Variants in TCF12 observed in about 807,000 individuals in gnomAD.
The protein encoded by TCF12 is DNA-binding protein HTF4.
A neutral mutation model predicts 86.0 loss-of-function variants in TCF12; 45 were observed. The observed-to-expected ratio is 0.52, with a 90% confidence interval of 0.41 to 0.67. The LOEUF is 0.67. Among genes scored for constraint, TCF12 ranks in the 30% least tolerant of loss-of-function variants. TCF12 has a pLI of 0.00. For synonymous variants in TCF12, 330 were observed against 299.6 expected (o/e 1.10, Z -1.05); for missense variants, 881 against 859.9 (o/e 1.02, Z -0.31).
chr15:57,025,947 A>G (rs2065801010), intron 3 of TCF12, among the ~76,000 whole-genome samples: 1 of 152,218 alleles, frequency 6.6e-6, no homozygotes, highest in African/African-American at 2.4e-5. Context: ...GATTTGAGCT[A>G]CTGAAAATGT....
intron 3 of TCF12, among the ~76,000 whole-genome samples, chr15:56,940,766 C>T (rs1488996780): frequency 1.5e-5 from 2 of 137,078 alleles, no homozygotes; most frequent in Non-Finnish European, 3.1e-5. Flanking sequence ...TCTCCTTCTC[C>T]TTCTTCTGAG....
chr15:56,951,452 T>C (rs2061272043), intron 3 of TCF12, among the ~76,000 whole-genome samples: 1 of 152,326 alleles, frequency 6.6e-6, no homozygotes, highest in Admixed American at 6.5e-5. Flanking sequence ...ACAAGTCCTT[T>C]ACGAGATACA....
chr15:57,094,471 A>G (rs1730245783), intron 5 of TCF12, among the ~76,000 whole-genome samples: 1 of 152,226 alleles, frequency 6.6e-6, no homozygotes, highest in Non-Finnish European at 1.5e-5. Context: ...AGGCAATTCA[A>G]CTTGATATGA....
intron 5 of TCF12, among the ~76,000 whole-genome samples, chr15:57,096,998 T>G (rs2151146519): frequency 6.6e-6 from 1 of 152,312 alleles, no homozygotes; most frequent in East Asian, 1.9e-4. Context: ...AAAGCTTCTG[T>G]GTTTTATTTC....
chr15:57,106,091 T>C (rs1567434569), intron 5 of TCF12, among the ~76,000 whole-genome samples: 1 of 152,216 alleles, frequency 6.6e-6, no homozygotes, highest in Non-Finnish European at 1.5e-5. Context: ...TAGGTGCTGA[T>C]AGAAAGATCT....
At chr15:57,050,232 C>G (rs936050800) in intron 3 of TCF12, among the ~76,000 whole-genome samples, 12 of 152,102 alleles carry the variant, frequency 7.9e-5, no homozygotes, top group Admixed American at 3.9e-4. Flanking sequence ...TATTCGTACT[C>G]ACATATTTGC....
intron 5 of TCF12, among the ~76,000 whole-genome samples, chr15:57,142,304 TATAG>T (rs60126987): frequency 0.011 from 1,654 of 149,710 alleles, 31 homozygotes; most frequent in African/African-American, 0.034. Flanking sequence ...CTCACACTTT[TATAG>T]ATAGATAGAT....
At chr15:56,935,681 G>GT (rs1337062470) in intron 3 of TCF12, among the ~76,000 whole-genome samples, 1 of 151,946 alleles carries the variant, frequency 6.6e-6, no homozygotes, top group African/African-American at 2.4e-5. Flanking sequence ...TTATACCTTT[G>GT]TATCTCATAG....
chr15:57,126,371 T>G (rs1315926731), intron 5 of TCF12, among the ~76,000 whole-genome samples: 1 of 152,154 alleles, frequency 6.6e-6, no homozygotes, highest in Non-Finnish European at 1.5e-5. Flanking sequence ...TAGCAAAAAT[T>G]TGGTTGAGCC....
At chr15:57,058,297 G>A (rs1014836709) in intron 3 of TCF12, among the ~76,000 whole-genome samples, 1 of 152,086 alleles carries the variant, frequency 6.6e-6, no homozygotes, top group Non-Finnish European at 1.5e-5. Flanking sequence ...TTTTCCTTTT[G>A]TATCTTTACA....
In TCF12 at chr15:57,273,057, C is replaced by T. The variant is rs762493471; in HGVS notation, c.1773C>T (p.Asn591=). 2.5e-6 allele frequency: 4 copies of T among 1,614,008 alleles called. No homozygotes were observed. Among genetic ancestry groups the T allele is most frequent in the Non-Finnish European group, 3.4e-6 (4 of 1,180,032 alleles). Reference sequence around the variant, plus strand: ...GTACTAATGAAGATGAGGATTTGAACCCTGAACAGAAGATAGAAAGGGAGA... The same window carrying T: ...GTACTAATGAAGATGAGGATTTGAATCCTGAACAGAAGATAGAAAGGGAGA... ...TSSTNEDEDL[N]PEQKIEREKE... The change falls in exon 19 of 21, where the codon AAC becomes AAT. Residue 591 remains asparagine (N), a synonymous_variant. Coordinates refer to ENST00000333725, the MANE Select transcript of TCF12 (RefSeq NM_207037.2).
downstream of TCF12, among the ~76,000 whole-genome samples, chr15:57,291,303 A>C (rs1273418620): frequency 1.3e-5 from 2 of 151,264 alleles, no homozygotes; most frequent in African/African-American, 4.8e-5. Flanking sequence ...ATCCTATGTA[A>C]ATCGTTATTA....
In TCF12 at chr15:56,984,162, A is replaced by G. The variant is rs2063047852; in HGVS notation, c.148+63064A>G. Reference sequence around the variant, plus strand: ...TGAACCATATATGTTTCTGGTTGAAATTATGTGTATAAACACGTGAACACA... The same window carrying G: ...TGAACCATATATGTTTCTGGTTGAAGTTATGTGTATAAACACGTGAACACA... On this transcript the variant is annotated intron_variant, in intron 3 of 20. Coordinates refer to ENST00000333725, the MANE Select transcript of TCF12 (RefSeq NM_207037.2). Among the ~76,000 whole-genome samples the G allele has an allele frequency of 2.0e-5, 3 of 151,802 alleles. No homozygotes were observed. The South Asian group carries it at 6.3e-4, about 32-fold the overall frequency.
chr15:57,285,057 A>C, intron 20 of TCF12, among the ~76,000 whole-genome samples: 1 of 152,238 alleles, frequency 6.6e-6, no homozygotes, highest in Non-Finnish European at 1.5e-5. Context: ...AATATGTGTT[A>C]AGGTTGCTAA....
At chr15:57,261,436 A>G (rs1942723451) in intron 16 of TCF12, among the ~76,000 whole-genome samples, 1 of 152,136 alleles carries the variant, frequency 6.6e-6, no homozygotes. Flanking sequence ...AAAGTCATGG[A>G]AGATAAAAGC....
rs999463444 is a variant in TCF12, at chr15:56,989,854, G to A, written c.148+68756G>A. 3.3e-5 allele frequency among the ~76,000 whole-genome samples: 5 copies of A among 152,296 alleles called. No individual in the cohort carries two copies. The East Asian group carries it at 9.7e-4, about 29-fold the overall frequency. ...ATACTGTGTAGGAGGTGTTGGACCT[G>A]CCTAAAGTGTTTGGCCTTGAAATGT... On this transcript the variant is annotated intron_variant, in intron 3 of 20. Coordinates refer to ENST00000333725, the MANE Select transcript of TCF12 (RefSeq NM_207037.2).
At chr15:57,225,438 G>A (rs1011369201) in intron 8 of TCF12, among the ~76,000 whole-genome samples, 18 of 151,406 alleles carry the variant, frequency 1.2e-4, no homozygotes, top group Non-Finnish European at 2.2e-4. Context: ...GTAGAGATGG[G>A]GTTTCACTGT....
chr15:57,166,573 G>C, intron 6 of TCF12, 107 bp downstream of exon 6: 3 of 991,772 alleles, frequency 3.0e-6, no homozygotes, highest in Non-Finnish European at 4.3e-6. Context: ...ACTACTGTTT[G>C]TTTAATTTGT....
At chr15:57,021,588 C>T (rs2065485284) in intron 3 of TCF12, among the ~76,000 whole-genome samples, 1 of 152,150 alleles carries the variant, frequency 6.6e-6, no homozygotes, top group Admixed American at 6.6e-5. Flanking sequence ...TAGGGCAGCA[C>T]CAAGGATAAA....
Sources: gnomAD v4.1 joint callset for allele counts (sites outside exome capture counted in the v4.1 genomes callset) on GRCh38, gnomAD v4.1.1 for gene constraint, MANE v1.5 for transcripts, NCBI Gene and HGNC (gene_info 2026-07-23, HGNC 2026-07-21) for gene names.